The following BCO1 variants were observed in gnomAD, a reference collection of about 807,000 sequenced individuals.
BCO1 encodes beta-carotene oxygenase 1.
Under a neutral mutation model 56.3 loss-of-function variants are expected in BCO1, and 54 were observed. That is an observed-to-expected ratio of 0.96 (90% confidence interval 0.77 to 1.20). The LOEUF (loss-of-function observed/expected upper bound fraction) is 1.20. BCO1 is among the 50% of genes most tolerant of loss of function. The pLI is 0.00. For missense variants in BCO1, 801 were observed against 690.9 expected (o/e 1.16, Z -1.79); for synonymous variants, 318 against 266.1 (o/e 1.20, Z -1.90).
At chr16:81,264,915 C>G in intron 5 of BCO1, 128 bp downstream of exon 5, 2 of 1,060,386 alleles carry the variant, frequency 1.9e-6, no homozygotes, top group Non-Finnish European at 2.9e-6. Flanking sequence ...TGAGGTGGAC[C>G]ATGAAGTCAG....
chr16:81,260,137 G>C (rs1906395178), intron 3 of BCO1, among the ~76,000 whole-genome samples: 1 of 152,158 alleles, frequency 6.6e-6, no homozygotes, highest in Non-Finnish European at 1.5e-5. Context: ...GTCATTTATG[G>C]CTGCATCATT....
At chr16:81,276,155 G>T (rs1005743913) in intron 7 of BCO1, among the ~76,000 whole-genome samples, 6 of 152,234 alleles carry the variant, frequency 3.9e-5, no homozygotes, top group Non-Finnish European at 7.3e-5. Flanking sequence ...CATTCATGGA[G>T]GACCCGCTAG....
intron 2 of BCO1, among the ~76,000 whole-genome samples, chr16:81,253,171 G>A (rs1247090667): frequency 6.6e-6 from 1 of 152,128 alleles, no homozygotes; most frequent in Non-Finnish European, 1.5e-5. Context: ...GTGATTCCCA[G>A]CTTCCAGTCA....
chr16:81,246,611 GA>G (rs57116643), intron 2 of BCO1, among the ~76,000 whole-genome samples: 57,441 of 151,572 alleles, frequency 0.38, 11,100 homozygotes, highest in Middle Eastern at 0.49. Flanking sequence ...ATCACTTTGG[GA>G]GGCCAAGGCA....
At chr16:81,271,583 C>T (rs915256307) in intron 7 of BCO1, among the ~76,000 whole-genome samples, 6 of 152,200 alleles carry the variant, frequency 3.9e-5, no homozygotes, top group Non-Finnish European at 8.8e-5. Flanking sequence ...CTGTCATCTG[C>T]TCTCTGTCTC....
chr16:81,262,023 C>G, intron 3 of BCO1, 113 bp from the exon 4 acceptor site: 3 of 1,337,570 alleles, frequency 2.2e-6, no homozygotes. Context: ...ATTACAGGCA[C>G]CCGGCCGAAG....
At chr16:81,281,044 C>T (rs1907853543) in intron 8 of BCO1, 82 bp downstream of exon 8, 1 of 995,764 alleles carries the variant, frequency 1.0e-6, no homozygotes, top group Non-Finnish European at 1.6e-6. Context: ...CATAATAATT[C>T]CCTCCTGTGC....
At chr16:81,289,661 C>CA (rs1370226422) in intron 10 of BCO1, among the ~76,000 whole-genome samples, 1 of 152,040 alleles carries the variant, frequency 6.6e-6, no homozygotes, top group Non-Finnish European at 1.5e-5. Context: ...AACAAACAAA[C>CA]AAAAAACCGA....
intron 2 of BCO1, among the ~76,000 whole-genome samples, chr16:81,246,471 A>G (rs1597344842): frequency 6.6e-6 from 1 of 152,282 alleles, no homozygotes; most frequent in East Asian, 1.9e-4. Context: ...TTAATCTTGC[A>G]AAATAATATA....
intron 1 of BCO1, among the ~76,000 whole-genome samples, chr16:81,243,876 A>G (rs1364826701): frequency 6.6e-6 from 1 of 152,156 alleles, no homozygotes; most frequent in East Asian, 1.9e-4. Flanking sequence ...TCAGGGAAAC[A>G]GAGAGAAGGA....
intron 7 of BCO1, among the ~76,000 whole-genome samples, chr16:81,272,312 G>T (rs1471261938): frequency 6.6e-6 from 1 of 151,086 alleles, no homozygotes; most frequent in Non-Finnish European, 1.5e-5. Context: ...TAGAGACAGG[G>T]TTTCACCGTG....
chr16:81,278,145 G>T (rs1190878754), intron 7 of BCO1, among the ~76,000 whole-genome samples: 1 of 152,222 alleles, frequency 6.6e-6, no homozygotes, highest in South Asian at 2.1e-4. Context: ...AGGTTCAAGC[G>T]ATTCTCCTGC....
chr16:81,290,266 G>C, intron 10 of BCO1, 82 bp from the exon 11 acceptor site: 1 of 1,152,686 alleles, frequency 8.7e-7, no homozygotes, highest in Admixed American at 1.8e-5. Context: ...GTTTAAAGAG[G>C]GCAGAGAGAC....
rs375537404 is a variant in BCO1, at chr16:81,264,687, C to G, written c.519C>G (p.Pro173=). The change falls in exon 5 of 11, where the codon CCC becomes CCG. Residue 173 remains proline (P), a synonymous_variant. Transcript: ENST00000258168. ...CGGTAAATCTGGCAACGTCACATCC[C>G]CATTATGATGAGGCTGGAAATGTTC... The part of the protein sequence containing the change: ...YVAVNLATSH[P]HYDEAGNVLN... 4 of 1,614,084 alleles carry G rather than the reference C, an allele frequency of 2.5e-6. No individual in the cohort carries two copies. Among genetic ancestry groups the G allele is most frequent in the Non-Finnish European group, 3.4e-6 (4 of 1,179,976 alleles).
intron 5 of BCO1, among the ~76,000 whole-genome samples, chr16:81,266,289 C>T (rs1410692229): frequency 1.3e-5 from 2 of 152,166 alleles, no homozygotes; most frequent in Admixed American, 6.5e-5. Flanking sequence ...GGGGAGGAGG[C>T]GGAGGCTCTT....
Position 81,261,877 on chromosome 16 carries a change from G to A in BCO1, c.324-259G>A, listed in dbSNP as rs1212616926. On this transcript the variant is annotated intron_variant, in intron 3 of 10. Transcript: ENST00000258168. ...CTGCCTCAGCCTCCCGAGTAGCTGGGACTACAGGCGCCTGCCACCACGCCC... is the reference window on the plus strand; with the variant it reads ...CTGCCTCAGCCTCCCGAGTAGCTGGAACTACAGGCGCCTGCCACCACGCCC... The A allele has an allele frequency of 7.6e-6, 3 of 397,020 alleles. No individual in the cohort carries two copies. In the East Asian group the frequency reaches 1.8e-4, roughly 23 times the overall value. The allele number at this position is 397,020 out of a possible 1,614,324, so 24.6% of individuals were successfully genotyped here.
At chr16:81,281,029 C>T in intron 8 of BCO1, 67 bp downstream of exon 8, 1 of 1,154,176 alleles carries the variant, frequency 8.7e-7, no homozygotes, top group Non-Finnish European at 1.3e-6. Context: ...CCAGAGGCCT[C>T]TTTACATAAT....
At chr16:81,259,928 C>A in intron 3 of BCO1, 123 bp downstream of exon 3, 1 of 1,225,626 alleles carries the variant, frequency 8.2e-7, no homozygotes, top group Non-Finnish European at 1.2e-6. Flanking sequence ...ACATGACTGC[C>A]CTTTAACCAG....
At chr16:81,288,100 G>T (rs1173407786) in intron 10 of BCO1, among the ~76,000 whole-genome samples, 1 of 152,070 alleles carries the variant, frequency 6.6e-6, no homozygotes, top group African/African-American at 2.4e-5. Context: ...ACATTCGACG[G>T]GTATAGAGGT....
Sources: allele counts gnomAD v4.1 joint callset (sites outside exome capture counted in the v4.1 genomes callset), GRCh38; gene constraint gnomAD v4.1.1; transcripts MANE v1.5; gene names NCBI Gene and HGNC (gene_info 2026-07-23, HGNC 2026-07-21).